The following RYR3 variants were observed in gnomAD, a reference collection of about 807,000 sequenced individuals.
RYR3 encodes brain ryanodine receptor-calcium release channel.
A neutral mutation model predicts 584.3 loss-of-function variants in RYR3; 207 were observed. The observed-to-expected ratio is 0.35, with a 90% CI of 0.32 to 0.40. The LOEUF is 0.40. Ranked by LOEUF, RYR3 falls within the 10% of genes least tolerant of loss-of-function variation. The pLI is 1.00. For missense variants in RYR3, 5,616 were observed against 6,089.2 expected, an observed-to-expected ratio of 0.92 and a Z score of 2.59; for synonymous variants, 2,416 against 2,248.5, an observed-to-expected ratio of 1.07 and a Z score of -2.11.
chr15:33,504,341 A>G (rs778632869), intron 3 of RYR3, among the ~76,000 whole-genome samples: 3 of 152,194 alleles, frequency 2.0e-5, no homozygotes, highest in Non-Finnish European at 4.4e-5. Context: ...CAGATATTTC[A>G]AAATAATTTT....
At chr15:33,614,738 T>C (rs1374418164) in intron 19 of RYR3, among the ~76,000 whole-genome samples, 1 of 152,124 alleles carries the variant, frequency 6.6e-6, no homozygotes, top group Admixed American at 6.5e-5. Context: ...AAACTGTTTT[T>C]TATTGGTTTC....
At chr15:33,733,581 C>G (rs2069146463) in intron 48 of RYR3, among the ~76,000 whole-genome samples, 1 of 151,982 alleles carries the variant, frequency 6.6e-6, no homozygotes, top group African/African-American at 2.4e-5. Flanking sequence ...TCAGTGGTGT[C>G]AGGGGTTGGG....
chr15:33,634,794 C>A lies in RYR3; in HGVS notation c.3175+61C>A. 4.2e-6 allele frequency: 6 copies of A among 1,427,138 alleles called. No homozygotes were observed. In the South Asian group the frequency reaches 5.8e-5, roughly 14 times the overall value. The allele number at this position is 1,427,138 out of a possible 1,614,324, so 88.4% of individuals were successfully genotyped here. Reference sequence around the variant, plus strand: ...TACTAAACAGGTCCTCTTCTTGGGGCATCCTAACTTCAAATAGGTCTAACT... The same window carrying A: ...TACTAAACAGGTCCTCTTCTTGGGGAATCCTAACTTCAAATAGGTCTAACT... On this transcript the variant is annotated intron_variant, in intron 25 of 103. Coordinates refer to ENST00000634891, the MANE Select transcript of RYR3 (RefSeq NM_001036.6).
chr15:33,503,663 T>A lies in RYR3; in HGVS notation c.204T>A (p.Phe68Leu). The A allele has an allele frequency of 6.2e-7, 1 of 1,613,012 alleles. No homozygotes were observed. ...YIPPDLCVCN[F>L]VLEQSLSVRA... Reference sequence around the variant, plus strand: ...CTCCAGATCTCTGCGTCTGCAATTTTGTGCTGGAACAGTCCCTATCTGTCA... The same window carrying A: ...CTCCAGATCTCTGCGTCTGCAATTTAGTGCTGGAACAGTCCCTATCTGTCA... The change falls in exon 3 of 104, where the codon TTT becomes TTA. Residue 68 changes from phenylalanine to leucine, a missense_variant. This residue lies in a region of RYR3 where 1,284 missense variants were observed against 1,344.6 expected (regional missense o/e 0.95). Coordinates refer to ENST00000634891, the MANE Select transcript of RYR3 (RefSeq NM_001036.6).
At chr15:33,577,775 A>G (rs905966042) in intron 12 of RYR3, among the ~76,000 whole-genome samples, 4 of 152,222 alleles carry the variant, frequency 2.6e-5, no homozygotes, top group African/African-American at 9.7e-5. Flanking sequence ...AATGGGATCC[A>G]ATTAAACTAA....
At chr15:33,495,003 G>A (rs573756360) in intron 2 of RYR3, among the ~76,000 whole-genome samples, 1 of 152,184 alleles carries the variant, frequency 6.6e-6, no homozygotes, top group South Asian at 2.1e-4. Context: ...GTTAAATTGC[G>A]TTTTGGAAGA....
At chr15:33,366,956 G>A (rs1199316504) in intron 1 of RYR3, among the ~76,000 whole-genome samples, 1 of 152,200 alleles carries the variant, frequency 6.6e-6, no homozygotes, top group Non-Finnish European at 1.5e-5. Flanking sequence ...GGAAAACAGG[G>A]ATGTCTGGAT....
chr15:33,346,869 T>G (rs965018565), intron 1 of RYR3, among the ~76,000 whole-genome samples: 3 of 152,090 alleles, frequency 2.0e-5, no homozygotes, highest in African/African-American at 7.2e-5. Flanking sequence ...ATTGAAGGCT[T>G]AGGTGGGAGG....
chr15:33,722,926 A>G (rs1291743661), intron 44 of RYR3, 31 bp downstream of exon 44: 1 of 1,525,396 alleles, frequency 6.6e-7, no homozygotes, highest in African/African-American at 1.4e-5. Flanking sequence ...TCCGGCACAG[A>G]TACGGTTGGT....
intron 1 of RYR3, among the ~76,000 whole-genome samples, chr15:33,437,454 G>T (rs907152647): frequency 6.6e-6 from 1 of 152,196 alleles, no homozygotes; most frequent in Non-Finnish European, 1.5e-5. Context: ...TTACCTTTTA[G>T]TTTTTCAGGA....
intron 93 of RYR3, 59 bp from the exon 94 acceptor site, chr15:33,848,232 G>C: frequency 1.3e-6 from 2 of 1,599,346 alleles, no homozygotes; most frequent in South Asian, 2.2e-5. Context: ...CAAATACCTG[G>C]GAGCAGGAGC....
At chr15:33,596,289 G>T (rs530197703) in intron 16 of RYR3, among the ~76,000 whole-genome samples, 65 of 151,192 alleles carry the variant, frequency 4.3e-4, no homozygotes, top group Non-Finnish European at 8.4e-4. Context: ...TCTATTATTT[G>T]ATTTAATATA....
intron 12 of RYR3, among the ~76,000 whole-genome samples, chr15:33,579,712 A>C (rs750364368): frequency 6.6e-6 from 1 of 152,180 alleles, no homozygotes; most frequent in Non-Finnish European, 1.5e-5. Context: ...TAACAGGATG[A>C]GTTATAAGTT....
At chr15:33,713,548 A>G (rs2067272107) in intron 43 of RYR3, among the ~76,000 whole-genome samples, 1 of 152,106 alleles carries the variant, frequency 6.6e-6, no homozygotes, top group Non-Finnish European at 1.5e-5. Context: ...AACAGCTAAC[A>G]CTTATTGAGC....
At chr15:33,772,597 G>A (rs7164080) in intron 63 of RYR3, among the ~76,000 whole-genome samples, 59,399 of 151,922 alleles carry the variant, frequency 0.39, 11,807 homozygotes, top group South Asian at 0.49. Flanking sequence ...CTGAGCTTTC[G>A]GAAGACCAAA....
chr15:33,657,539 C>T (rs558872992), intron 32 of RYR3, among the ~76,000 whole-genome samples: 20 of 152,348 alleles, frequency 1.3e-4, no homozygotes, highest in Admixed American at 4.6e-4. Flanking sequence ...GGGACGACTC[C>T]TGCCTTGTAG....
chr15:33,442,577 GA>G (rs1160012393), intron 1 of RYR3, among the ~76,000 whole-genome samples: 1 of 152,216 alleles, frequency 6.6e-6, no homozygotes, highest in Non-Finnish European at 1.5e-5. Flanking sequence ...TGGTGATGCT[GA>G]TAACAAAGAC....
chr15:33,616,905 C>G (rs1424545259), intron 19 of RYR3, among the ~76,000 whole-genome samples: 1 of 152,188 alleles, frequency 6.6e-6, no homozygotes, highest in Non-Finnish European at 1.5e-5. Context: ...AGGGTCAGTG[C>G]AGGACCTGTA....
chr15:33,689,063 A>G (rs1176517890), intron 38 of RYR3, among the ~76,000 whole-genome samples: 1 of 152,124 alleles, frequency 6.6e-6, no homozygotes, highest in Non-Finnish European at 1.5e-5. Flanking sequence ...GGATGAGTTC[A>G]TGTCCTTTGC....
Sources: gnomAD v4.1 joint callset for allele counts (sites outside exome capture counted in the v4.1 genomes callset) on GRCh38, gnomAD v4.1.1 for gene constraint, gnomAD v4.1.1 regional missense constraint, MANE v1.5 for transcripts, NCBI Gene and HGNC (gene_info 2026-07-23, HGNC 2026-07-21) for gene names.